TMEM144: variants seen among roughly 807,000 people sequenced by gnomAD.
TMEM144 encodes transmembrane protein 144.
In TMEM144, 39 loss-of-function variants were observed where a neutral mutation model predicts 43.6. The observed-to-expected ratio is 0.90, with a 90% CI of 0.69 to 1.17. The LOEUF (loss-of-function observed/expected upper bound fraction) is 1.17. Ranked by LOEUF, TMEM144 falls within the 50% of genes most tolerant of loss-of-function variation. The probability of loss-of-function intolerance (pLI) is 0.00; values close to 1 mark genes in which losing one functional copy is unlikely to be tolerated. For synonymous variants in TMEM144, 154 were observed against 133.6 expected (o/e 1.15, Z -1.06); for missense variants, 417 against 411.9 (o/e 1.01, Z -0.11).
intron 6 of TMEM144, among the ~76,000 whole-genome samples, chr4:158,223,606 C>T (rs1734610732): frequency 6.6e-6 from 1 of 152,138 alleles, no homozygotes; most frequent in South Asian, 2.1e-4. Context: ...TGTTCCCCTC[C>T]CTGTGTCCAC....
intron 5 of TMEM144, 21 bp from the exon 6 acceptor site, chr4:158,219,289 T>C (rs1227616002): frequency 1.9e-6 from 3 of 1,612,442 alleles, no homozygotes; most frequent in Non-Finnish European, 2.5e-6. Flanking sequence ...TTTAATTTGA[T>C]GTGACTTTCT....
chr4:158,248,296 G>A (rs1030344166), intron 12 of TMEM144, among the ~76,000 whole-genome samples: 4 of 152,056 alleles, frequency 2.6e-5, no homozygotes, highest in African/African-American at 7.2e-5. Context: ...ACCTGCTGTG[G>A]TGGTGCATGC....
chr4:158,228,700 C>G (rs1227471825), intron 6 of TMEM144, among the ~76,000 whole-genome samples: 2 of 152,172 alleles, frequency 1.3e-5, no homozygotes, highest in Non-Finnish European at 2.9e-5. Flanking sequence ...GCCTAAGGAG[C>G]TGCATCGACC....
At chr4:158,228,471 A>G (rs559465049) in intron 6 of TMEM144, among the ~76,000 whole-genome samples, 1 of 152,344 alleles carries the variant, frequency 6.6e-6, no homozygotes, top group African/African-American at 2.4e-5. Context: ...GGCAAGTTAC[A>G]AAGACTAGTC....
intron 6 of TMEM144, among the ~76,000 whole-genome samples, chr4:158,220,540 C>T (rs529012423): frequency 1.3e-5 from 2 of 152,192 alleles, no homozygotes; most frequent in Non-Finnish European, 2.9e-5. Flanking sequence ...ACCACTTCCA[C>T]CTATGTGGCC....
rs755991205 is a variant in TMEM144 at position 158,215,255 on chromosome 4, A to G, written c.174A>G (p.Ile58Met). 6.2e-7 allele frequency: 1 copy of G among 1,613,864 alleles called. No individual in the cohort carries two copies. Among genetic ancestry groups the G allele is most frequent in the Non-Finnish European group, 8.5e-7 (1 of 1,179,814 alleles). ...IWLVALVVNL[I>M]LHCPKFWPFA... ...TGGTTGCCTTGGTTGTCAATCTGATATTACATTGTCCAAAGTTTTGGCCTT... is the reference window on the plus strand; with the variant it reads ...TGGTTGCCTTGGTTGTCAATCTGATGTTACATTGTCCAAAGTTTTGGCCTT... Residue 58 changes from isoleucine (I) to methionine (M), a missense_variant, in exon 4 of 13, where the codon ATA becomes ATG. Ile to Met is a conservative substitution (Grantham distance 10). Coordinates refer to ENST00000296529, the MANE Select transcript of TMEM144 (RefSeq NM_018342.5).
intron 6 of TMEM144, among the ~76,000 whole-genome samples, chr4:158,224,516 C>T (rs1208298132): frequency 6.6e-6 from 1 of 152,178 alleles, no homozygotes; most frequent in African/African-American, 2.4e-5. Context: ...TCCTGGGCTA[C>T]ATACCTTGTA....
chr4:158,226,122 A>G (rs1298438072), intron 6 of TMEM144, among the ~76,000 whole-genome samples: 8 of 152,244 alleles, frequency 5.3e-5, no homozygotes, highest in Non-Finnish European at 1.0e-4. Context: ...GCATCTTGGT[A>G]TCCTGTCTTA....
intron 4 of TMEM144, 22 bp downstream of exon 4, chr4:158,215,335 A>C: frequency 1.9e-6 from 3 of 1,609,708 alleles, no homozygotes; most frequent in Middle Eastern, 1.7e-4. Flanking sequence ...TATAACTTAT[A>C]CTTTTATTAT....
At chr4:158,224,082 C>CT (rs1329805371) in intron 6 of TMEM144, among the ~76,000 whole-genome samples, 3 of 151,926 alleles carry the variant, frequency 2.0e-5, no homozygotes, top group Non-Finnish European at 4.4e-5. Flanking sequence ...TATTGTTTCT[C>CT]TTTTTTTTAA....
At chr4:158,217,728 T>C (rs1303416252) in intron 5 of TMEM144, among the ~76,000 whole-genome samples, 3 of 152,220 alleles carry the variant, frequency 2.0e-5, no homozygotes, top group African/African-American at 7.2e-5. Flanking sequence ...CTATGCATCA[T>C]TCTCATCTCA....
Position 158,241,612 on chromosome 4 carries a change from T to C in TMEM144, c.900+6T>C, listed in dbSNP as rs886144311. 4 of 1,611,426 alleles carry C rather than the reference T, an allele frequency of 2.5e-6. No homozygotes were observed. In the African/African-American group the frequency reaches 5.3e-5, roughly 22 times the overall value. On this transcript the variant is annotated splice_donor_region_variant and intron_variant, in intron 11 of 12. Coordinates refer to ENST00000296529, the MANE Select transcript of TMEM144 (RefSeq NM_018342.5). Reference sequence around the variant, plus strand: ...GTTTTCCAATAATCACTGCTGTAAGTAGCTGAACTGGTTTTCCTAATTTTC... The same window carrying C: ...GTTTTCCAATAATCACTGCTGTAAGCAGCTGAACTGGTTTTCCTAATTTTC...
chr4:158,247,448 C>T (rs1735946655), intron 12 of TMEM144, among the ~76,000 whole-genome samples: 1 of 151,748 alleles, frequency 6.6e-6, no homozygotes, highest in Non-Finnish European at 1.5e-5. Context: ...AAAATGTACA[C>T]ATTGTGATTT....
At position 158,215,205 on chromosome 4, in the gene TMEM144, T is replaced by G; in HGVS notation, c.124T>G (p.Trp42Gly). 6.2e-7 allele frequency: 1 copy of G among 1,613,800 alleles called. No homozygotes were observed. ...TTTATTTCTAGGAATGTTTCTCCAG[T>G]GGGTTCTTTGTGCTGCCATATGGTT... ...FDTGDGMFLQWVLCAAIWLVA... is the reference protein window; with the variant it reads ...FDTGDGMFLQGVLCAAIWLVA... Residue 42 changes from tryptophan (W) to glycine (G), a missense_variant, in exon 4 of 13, where the codon TGG (tryptophan) becomes GGG (glycine). Physicochemically the swap from Trp to Gly is radical, Grantham distance 184. Transcript: ENST00000296529.
At chr4:158,253,358 A>C in intron 12 of TMEM144, 86 bp from the exon 13 acceptor site, 1 of 1,138,712 alleles carries the variant, frequency 8.8e-7, no homozygotes, top group Non-Finnish European at 1.3e-6. Context: ...GCAGATGGTT[A>C]GGTCCCTAGC....
At chr4:158,226,399 TA>T (rs1023026937) in intron 6 of TMEM144, among the ~76,000 whole-genome samples, 1 of 152,214 alleles carries the variant, frequency 6.6e-6, no homozygotes, top group Non-Finnish European at 1.5e-5. Flanking sequence ...GCTTTTATTT[TA>T]ATGGCCAGTT....
At chr4:158,220,997 C>T (rs944431996) in intron 6 of TMEM144, among the ~76,000 whole-genome samples, 1 of 152,154 alleles carries the variant, frequency 6.6e-6, no homozygotes, top group Non-Finnish European at 1.5e-5. Flanking sequence ...CTTGGAGCTT[C>T]ATGGTCCATG....
At chr4:158,235,360 A>G (rs567178243) in intron 7 of TMEM144, 78 bp from the exon 8 acceptor site, 1 of 1,442,676 alleles carries the variant, frequency 6.9e-7, no homozygotes, top group Non-Finnish European at 9.6e-7. Flanking sequence ...AGAAGAGAAA[A>G]GCACTAGAAA....
rs550546975 is a variant in TMEM144, at chr4:158,235,654, G to T, written c.563+149G>T. 4.4e-6 allele frequency: 3 copies of T among 676,334 alleles called. No individual in the cohort carries two copies. The African/African-American group carries it at 5.4e-5, about 12-fold the overall frequency. 41.9% of individuals were successfully genotyped at this position (676,334 alleles called of 1,614,324 possible). A position where few individuals can be genotyped will look rare whatever the true frequency, so the allele number is the denominator to read the frequency against. ...TATCTCCATGCGGCGAGGTTTTTTT[G>T]TCCCCAGCTGAATTTTAGGTACAGA... On this transcript the variant is annotated intron_variant, in intron 8 of 12. Transcript: ENST00000296529.
Sources: gnomAD v4.1 joint callset for allele counts (sites outside exome capture counted in the v4.1 genomes callset) on GRCh38, gnomAD v4.1.1 for gene constraint, MANE v1.5 for transcripts, NCBI Gene and HGNC (gene_info 2026-07-23, HGNC 2026-07-21) for gene names.